CYP19A1: variants seen among roughly 807,000 people sequenced by gnomAD.
CYP19A1 encodes aromatase.
A neutral mutation model predicts 44.4 loss-of-function variants in CYP19A1; 32 were observed. The ratio of observed to expected loss-of-function variants is 0.72; its 90% confidence interval spans 0.54 to 0.97. The LOEUF (loss-of-function observed/expected upper bound fraction) is 0.97, where lower values mean the gene tolerates loss of function less well. Among genes scored for constraint, CYP19A1 ranks in the 50% least tolerant of loss-of-function variants. CYP19A1 has a pLI of 0.00. For synonymous variants in CYP19A1, 212 were observed against 215.6 expected (o/e 0.98, Z 0.14); for missense variants, 598 against 637.8 (o/e 0.94, Z 0.67).
At chr15:51,230,617 CT>C (rs35011672) in intron 3 of CYP19A1, among the ~76,000 whole-genome samples, 13,059 of 126,344 alleles carry the variant, frequency 0.1, 513 homozygotes, top group Admixed American at 0.18. Flanking sequence ...TTGGTGCCTT[CT>C]TTTTTTTTTT....
At chr15:51,228,756 T>C (rs1166733755) in intron 3 of CYP19A1, among the ~76,000 whole-genome samples, 2 of 152,254 alleles carry the variant, frequency 1.3e-5, no homozygotes, top group Non-Finnish European at 2.9e-5. Flanking sequence ...TGATTTTAGA[T>C]GTTGTTGTTA....
intron 1 of CYP19A1, among the ~76,000 whole-genome samples, chr15:51,330,691 C>T (rs2036686900): frequency 6.6e-6 from 1 of 151,860 alleles, no homozygotes; most frequent in Non-Finnish European, 1.5e-5. Flanking sequence ...GTTGGGTGCA[C>T]AGAAGTTGAA....
chr15:51,243,312 T>G (rs1415990257), intron 1 of CYP19A1, among the ~76,000 whole-genome samples: 1 of 152,238 alleles, frequency 6.6e-6, no homozygotes, highest in Admixed American at 6.5e-5. Context: ...GGAGTCATTT[T>G]GTGACTTCAT....
At chr15:51,305,316 C>T (rs757189702) in intron 1 of CYP19A1, among the ~76,000 whole-genome samples, 1 of 152,044 alleles carries the variant, frequency 6.6e-6, no homozygotes, top group African/African-American at 2.4e-5. Context: ...TGGCCTATGT[C>T]TTAGGCCTTG....
intron 1 of CYP19A1, chr15:51,320,912 A>G (rs538198004): frequency 1.1e-4 from 16 of 152,360 alleles, no homozygotes; most frequent in African/African-American, 3.6e-4. Context: ...TCTTCACATC[A>G]AGCTTTCAAA....
chr15:51,334,143 C>G (rs1020813698), intron 1 of CYP19A1, among the ~76,000 whole-genome samples: 2 of 152,186 alleles, frequency 1.3e-5, no homozygotes, highest in African/African-American at 4.8e-5. Flanking sequence ...GAGCTGTTTT[C>G]CACTCCATCA....
chr15:51,259,954 A>G (rs2034652961), intron 1 of CYP19A1, among the ~76,000 whole-genome samples: 1 of 152,240 alleles, frequency 6.6e-6, no homozygotes, highest in Non-Finnish European at 1.5e-5. Flanking sequence ...AGAACACTAA[A>G]TGAATATTGT....
intron 1 of CYP19A1, among the ~76,000 whole-genome samples, chr15:51,280,556 A>T (rs962478700): frequency 6.6e-6 from 1 of 152,136 alleles, no homozygotes; most frequent in African/African-American, 2.4e-5. Context: ...CCTACCTATC[A>T]GGAGGTGACT....
chr15:51,334,162 C>T (rs1487476399), intron 1 of CYP19A1, among the ~76,000 whole-genome samples: 1 of 152,190 alleles, frequency 6.6e-6, no homozygotes, highest in African/African-American at 2.4e-5. Context: ...CACTTTGAAT[C>T]ATTTCCCTGC....
chr15:51,223,571 G>GCTCT (rs763852095), intron 4 of CYP19A1, among the ~76,000 whole-genome samples: 1,740 of 110,424 alleles, frequency 0.016, 53 homozygotes, highest in African/African-American at 0.017. Flanking sequence ...TCTCTCTCTT[G>GCTCT]CTCTCTCTCT....
intron 1 of CYP19A1, among the ~76,000 whole-genome samples, chr15:51,305,379 T>G (rs1432348211): frequency 6.6e-6 from 1 of 152,146 alleles, no homozygotes; most frequent in East Asian, 1.9e-4. Context: ...ACGTTATGAT[T>G]GTCTCAAAAC....
intron 4 of CYP19A1, among the ~76,000 whole-genome samples, chr15:51,226,723 A>C (rs2032615704): frequency 6.6e-6 from 1 of 152,144 alleles, no homozygotes; most frequent in African/African-American, 2.4e-5. Context: ...TTTATGCTTG[A>C]TAGTAATGTC....
intron 1 of CYP19A1, among the ~76,000 whole-genome samples, chr15:51,266,370 C>T (rs1187464006): frequency 6.6e-6 from 1 of 152,232 alleles, no homozygotes; most frequent in African/African-American, 2.4e-5. Context: ...GGCCACCTGT[C>T]TCTCATTCCA....
intron 1 of CYP19A1, among the ~76,000 whole-genome samples, chr15:51,291,521 G>A (rs1468815407): frequency 6.6e-6 from 1 of 152,164 alleles, no homozygotes; most frequent in East Asian, 1.9e-4. Context: ...TCATTTCAAA[G>A]GCCACACAGA....
At chr15:51,267,044 C>T (rs1206765690) in intron 1 of CYP19A1, among the ~76,000 whole-genome samples, 1 of 152,208 alleles carries the variant, frequency 6.6e-6, no homozygotes, top group Admixed American at 6.5e-5. Flanking sequence ...CAGGAACTTT[C>T]CCTGCTTCTA....
chr15:51,258,411 A>T (rs542217970), intron 1 of CYP19A1, among the ~76,000 whole-genome samples: 8 of 152,320 alleles, frequency 5.3e-5, no homozygotes, highest in Admixed American at 3.9e-4. Flanking sequence ...CCTTGGTGAC[A>T]TTTCTAGCAT....
chr15:51,294,265 G>A (rs1465180961), intron 1 of CYP19A1, among the ~76,000 whole-genome samples: 1 of 142,834 alleles, frequency 7.0e-6, no homozygotes, highest in African/African-American at 2.9e-5. Flanking sequence ...TCTAGGAAGT[G>A]AGGAGCGTCT....
intron 1 of CYP19A1, chr15:51,277,343 T>G (rs1386939031): frequency 6.6e-6 from 1 of 152,244 alleles, no homozygotes; most frequent in Admixed American, 6.5e-5. Flanking sequence ...TCATTTCTAA[T>G]TCCAATTTTC....
chr15:51,250,144 C>G lies in CYP19A1; in HGVS notation c.-38-7194G>C, dbSNP rs145374130. On this transcript the variant is annotated intron_variant, in intron 1 of 9. Coordinates refer to ENST00000396402, the MANE Select transcript of CYP19A1 (RefSeq NM_000103.4). The stretch of plus-strand genomic sequence containing the variant: ...CCCTGAAGGCACCAATGGGAGACCT[C>G]AGCCCCTAGGGTTTTACCCACATAG... 1.4e-3 allele frequency among the ~76,000 whole-genome samples: 220 copies of G among 152,332 alleles called. 3 individuals carry two copies. Among genetic ancestry groups the G allele is most frequent in the East Asian group, 0.013 (65 of 5,184 alleles).
Sources: gnomAD v4.1 joint callset for allele counts (sites outside exome capture counted in the v4.1 genomes callset) on GRCh38, gnomAD v4.1.1 for gene constraint, MANE v1.5 for transcripts, NCBI Gene and HGNC (gene_info 2026-07-23, HGNC 2026-07-21) for gene names.